SMYD3: variants seen among roughly 807,000 people sequenced by gnomAD.
The protein encoded by SMYD3 is SET and MYND domain containing 3.
SMYD3 carries 36 observed loss-of-function variants against 57.7 expected under a neutral mutation model. The observed-to-expected ratio is 0.62, with a 90% CI of 0.48 to 0.82. The LOEUF is 0.82. Among genes scored for constraint, SMYD3 ranks in the 40% least tolerant of loss-of-function variants. The probability of loss-of-function intolerance (pLI) is 0.00; values close to 1 mark genes in which losing one functional copy is unlikely to be tolerated. For missense variants in SMYD3, 515 were observed against 538.8 expected, an observed-to-expected ratio of 0.96 and a Z score of 0.44; for synonymous variants, 211 against 195.0, an observed-to-expected ratio of 1.08 and a Z score of -0.68.
chr1:245,755,580 C>A (rs2045570444), intron 11 of SMYD3, among the ~76,000 whole-genome samples: 1 of 152,142 alleles, frequency 6.6e-6, no homozygotes, highest in Non-Finnish European at 1.5e-5. Flanking sequence ...TTGGTGCATA[C>A]ATATTTAGTA....
rs1044583193 is a variant in SMYD3 at position 246,154,742 on chromosome 1, C to T, written c.531+172459G>A. 3.9e-5 allele frequency among the ~76,000 whole-genome samples: 6 copies of T among 151,904 alleles called. No individual in the cohort carries two copies. The East Asian group carries it at 7.7e-4, about 20-fold the overall frequency. ...ACAATGTATGAAATACATGAAGTTACCATCAAAACAAACAATGTTTTTTTT... is the reference window on the plus strand; with the variant it reads ...ACAATGTATGAAATACATGAAGTTATCATCAAAACAAACAATGTTTTTTTT... On this transcript the variant is annotated intron_variant, in intron 5 of 11. Coordinates refer to ENST00000490107, the MANE Select transcript of SMYD3 (RefSeq NM_001167740.2).
chr1:246,019,363 A>G (rs2059430456), intron 5 of SMYD3, among the ~76,000 whole-genome samples: 1 of 152,212 alleles, frequency 6.6e-6, no homozygotes, highest in Non-Finnish European at 1.5e-5. Flanking sequence ...AGTCTCTCAA[A>G]CGCTTTACAG....
intron 5 of SMYD3, among the ~76,000 whole-genome samples, chr1:246,106,116 T>C (rs1362708830): frequency 6.6e-6 from 1 of 152,212 alleles, no homozygotes; most frequent in African/African-American, 2.4e-5. Flanking sequence ...TCTCTAGGCC[T>C]TGTGCCTATT....
chr1:245,866,497 C>T (rs903001402), intron 8 of SMYD3, among the ~76,000 whole-genome samples: 2 of 151,916 alleles, frequency 1.3e-5, no homozygotes, highest in Admixed American at 6.6e-5. Context: ...TTTGGGAGGC[C>T]GAGACAGGTG....
intron 10 of SMYD3, among the ~76,000 whole-genome samples, chr1:245,768,130 A>T (rs2046192863): frequency 6.6e-6 from 1 of 152,200 alleles, no homozygotes; most frequent in African/African-American, 2.4e-5. Flanking sequence ...TCATTCAACA[A>T]GGCAGTTTAC....
intron 5 of SMYD3, among the ~76,000 whole-genome samples, chr1:246,047,571 C>T (rs1014796991): frequency 6.6e-6 from 1 of 152,216 alleles, no homozygotes; most frequent in Non-Finnish European, 1.5e-5. Context: ...GGCACAGTGG[C>T]TCATGCCTGT....
intron 5 of SMYD3, among the ~76,000 whole-genome samples, chr1:245,950,809 G>A (rs2057605633): frequency 6.6e-6 from 1 of 152,122 alleles, no homozygotes; most frequent in Non-Finnish European, 1.5e-5. Context: ...CATTTCCCTT[G>A]GCACAGAGTT....
chr1:246,313,801 G>A (rs1242397293), intron 5 of SMYD3, among the ~76,000 whole-genome samples: 1 of 152,140 alleles, frequency 6.6e-6, no homozygotes, highest in Non-Finnish European at 1.5e-5. Flanking sequence ...CTTATACACT[G>A]CATATATAGT....
intron 5 of SMYD3, among the ~76,000 whole-genome samples, chr1:246,212,354 T>G (rs1207660912): frequency 1.3e-5 from 2 of 152,114 alleles, no homozygotes; most frequent in African/African-American, 4.8e-5. Context: ...ATGGTAATAA[T>G]TATATGATAA....
At chr1:246,419,954 G>A (rs933317591) in intron 1 of SMYD3, among the ~76,000 whole-genome samples, 9 of 152,218 alleles carry the variant, frequency 5.9e-5, no homozygotes, top group Admixed American at 4.6e-4. Flanking sequence ...CCAGAATTTC[G>A]GGAGGCCGAG....
chr1:246,480,880 C>T (rs1405763875), intron 1 of SMYD3, among the ~76,000 whole-genome samples: 3 of 151,962 alleles, frequency 2.0e-5, no homozygotes, highest in South Asian at 4.2e-4. Flanking sequence ...CTCACTGCAA[C>T]CTCAGCCTCC....
chr1:246,268,748 A>G (rs1381851964), intron 5 of SMYD3, among the ~76,000 whole-genome samples: 1 of 152,020 alleles, frequency 6.6e-6, no homozygotes, highest in African/African-American at 2.4e-5. Context: ...AAGAAAAGAA[A>G]GAAATGGGCA....
chr1:245,772,974 C>CT (rs2046397317), intron 10 of SMYD3, among the ~76,000 whole-genome samples: 4 of 150,662 alleles, frequency 2.7e-5, no homozygotes, highest in Admixed American at 6.7e-5. Flanking sequence ...CAACTCCATA[C>CT]GAACACAAAC....
intron 10 of SMYD3, among the ~76,000 whole-genome samples, chr1:245,776,501 C>T (rs947619439): frequency 3.3e-5 from 5 of 152,158 alleles, no homozygotes; most frequent in African/African-American, 7.2e-5. Flanking sequence ...CTTACCAAGC[C>T]GTATGTATCT....
intron 5 of SMYD3, among the ~76,000 whole-genome samples, chr1:245,986,292 A>C (rs557758600): frequency 3.3e-5 from 5 of 152,322 alleles, no homozygotes; most frequent in African/African-American, 1.2e-4. Context: ...TCATTACAAC[A>C]GTGTTTCCTT....
intron 5 of SMYD3, chr1:246,189,071 T>G (rs760731664): frequency 1.3e-5 from 2 of 152,192 alleles, no homozygotes; most frequent in African/African-American, 2.4e-5. Flanking sequence ...GCCATACTAA[T>G]CTTCTCTGTC....
At chr1:246,191,260 T>C (rs899563055) in intron 5 of SMYD3, among the ~76,000 whole-genome samples, 3 of 152,198 alleles carry the variant, frequency 2.0e-5, no homozygotes, top group Non-Finnish European at 2.9e-5. Flanking sequence ...AGATTCTTTG[T>C]TTTGGATCAT....
Position 245,853,508 on chromosome 1 carries a change from C to T in SMYD3, c.1076+4988G>A, listed in dbSNP as rs148230453. Among the ~76,000 whole-genome samples the T allele has an allele frequency of 2.2e-3, 342 of 152,188 alleles. 1 individual carries two copies. In the Middle Eastern group the frequency reaches 0.034, roughly 15 times the overall value. ...AGGCAGGCCCAAAGCAAGCGCTGGG[C>T]GCGTGGCTGCACCAAACGTGCGCTC... On this transcript the variant is annotated intron_variant, in intron 10 of 11. Transcript: ENST00000490107.
In SMYD3 at chr1:245,846,172, ATCC is replaced by A. The variant is rs1293528580; in HGVS notation, c.1076+12321_1076+12323del. Among the ~76,000 whole-genome samples the A allele has an allele frequency of 6.6e-5, 10 of 152,354 alleles. No homozygotes were observed. The East Asian group carries it at 1.9e-3, about 29-fold the overall frequency. ...GACTGTGAGGAAGAATGAGGACAGC[ATCC>A]AGGAAGGGAAGGAAGGAGGGAGAGA... On this transcript the variant is annotated intron_variant, in intron 10 of 11. Coordinates refer to ENST00000490107, the MANE Select transcript of SMYD3 (RefSeq NM_001167740.2).
Sources: allele counts gnomAD v4.1 joint callset (sites outside exome capture counted in the v4.1 genomes callset), GRCh38; gene constraint gnomAD v4.1.1; transcripts MANE v1.5; gene names NCBI Gene and HGNC (gene_info 2026-07-23, HGNC 2026-07-21).